NALF1: variants seen among roughly 807,000 people sequenced by gnomAD.
NALF1 encodes NALCN channel auxiliary factor 1.
Under a neutral mutation model 48.4 loss-of-function variants are expected in NALF1, and 3 were observed. That is an observed-to-expected ratio of 0.06 (90% CI 0.03 to 0.16). The LOEUF (loss-of-function observed/expected upper bound fraction) is 0.16. NALF1 is among the 10% of genes least tolerant of loss of function. The pLI, the probability that NALF1 is intolerant of heterozygous loss-of-function variation, is 1.00. For synonymous variants in NALF1, 262 were observed against 245.7 expected (o/e 1.07, Z -0.62); for missense variants, 526 against 571.5 (o/e 0.92, Z 0.81).
At chr13:107,741,643 T>A (rs1446840479) in intron 1 of NALF1, among the ~76,000 whole-genome samples, 1 of 152,198 alleles carries the variant, frequency 6.6e-6, no homozygotes, top group Non-Finnish European at 1.5e-5. Flanking sequence ...ATTGGTATAC[T>A]GTCTAGTTGG....
chr13:107,386,745 C>A (rs2138979112), intron 1 of NALF1, among the ~76,000 whole-genome samples: 1 of 152,268 alleles, frequency 6.6e-6, no homozygotes, highest in African/African-American at 2.4e-5. Flanking sequence ...CTTAAGTTAT[C>A]TGAGCTATTT....
At chr13:107,170,896 G>A in intron 2 of NALF1, 110 bp from the exon 3 acceptor site, 1 of 975,072 alleles carries the variant, frequency 1.0e-6, no homozygotes, top group South Asian at 1.6e-5. Context: ...CAGGCAATTA[G>A]ACATTTATTT....
chr13:107,832,473 T>G (rs1242077507), intron 1 of NALF1, among the ~76,000 whole-genome samples: 5 of 152,148 alleles, frequency 3.3e-5, no homozygotes, highest in Non-Finnish European at 7.4e-5. Context: ...TAATGAAGAT[T>G]TGCTAACCCC....
chr13:107,339,282 TTTA>T (rs1882624754), intron 1 of NALF1, among the ~76,000 whole-genome samples: 1 of 152,158 alleles, frequency 6.6e-6, no homozygotes, highest in South Asian at 2.1e-4. Flanking sequence ...ATGTGTTGGG[TTTA>T]TTTTTAAATG....
At chr13:107,432,143 G>C (rs887698227) in intron 1 of NALF1, among the ~76,000 whole-genome samples, 2 of 152,066 alleles carry the variant, frequency 1.3e-5, no homozygotes, top group South Asian at 4.1e-4. Flanking sequence ...GAAGGTGAAG[G>C]GGGAGCAGGC....
chr13:107,249,465 GT>G (rs1004370620), intron 1 of NALF1, among the ~76,000 whole-genome samples: 1 of 152,088 alleles, frequency 6.6e-6, no homozygotes, highest in Non-Finnish European at 1.5e-5. Context: ...ACGAAGTGAT[GT>G]TTTTATTCTA....
At chr13:107,509,495 T>C (rs1169861467) in intron 1 of NALF1, among the ~76,000 whole-genome samples, 1 of 152,224 alleles carries the variant, frequency 6.6e-6, no homozygotes, top group African/African-American at 2.4e-5. Flanking sequence ...TCTTTGAATA[T>C]TCAGTCTTCA....
intron 1 of NALF1, among the ~76,000 whole-genome samples, chr13:107,493,038 T>C (rs1008677983): frequency 8.5e-5 from 13 of 152,174 alleles, no homozygotes; most frequent in Admixed American, 4.6e-4. Context: ...TTATCATCTT[T>C]AGAATTGTTG....
intron 1 of NALF1, among the ~76,000 whole-genome samples, chr13:107,743,406 G>C (rs963821240): frequency 2.6e-5 from 4 of 152,140 alleles, no homozygotes; most frequent in South Asian, 2.1e-4. Context: ...TATTGCTCCA[G>C]CATAATGTTA....
intron 2 of NALF1, among the ~76,000 whole-genome samples, chr13:107,197,936 G>C (rs988547641): frequency 6.6e-6 from 1 of 152,132 alleles, no homozygotes; most frequent in African/African-American, 2.4e-5. Context: ...AAGCTGTCCA[G>C]AAATTAAATA....
intron 1 of NALF1, among the ~76,000 whole-genome samples, chr13:107,446,544 TTA>T (rs1884654566): frequency 6.6e-6 from 1 of 152,220 alleles, no homozygotes; most frequent in South Asian, 2.1e-4. Context: ...TTCCACATTA[TTA>T]TATTTCATGG....
intron 1 of NALF1, among the ~76,000 whole-genome samples, chr13:107,590,353 G>T (rs945333973): frequency 1.6e-4 from 25 of 152,008 alleles, no homozygotes; most frequent in African/African-American, 5.8e-4. Context: ...TGCAATTTAC[G>T]ACCTTCAGGA....
intron 1 of NALF1, among the ~76,000 whole-genome samples, chr13:107,668,354 A>G (rs1207580726): frequency 6.6e-6 from 1 of 151,970 alleles, no homozygotes; most frequent in Non-Finnish European, 1.5e-5. Flanking sequence ...ATGAGGCCCC[A>G]AACTCAGGTA....
At chr13:107,776,240 G>C (rs1877726521) in intron 1 of NALF1, among the ~76,000 whole-genome samples, 1 of 152,150 alleles carries the variant, frequency 6.6e-6, no homozygotes, top group Admixed American at 6.5e-5. Context: ...AGTCAGACAG[G>C]CTAGGTTCTA....
chr13:107,862,508 A>G (rs1880600553), intron 1 of NALF1, among the ~76,000 whole-genome samples: 1 of 152,082 alleles, frequency 6.6e-6, no homozygotes, highest in Non-Finnish European at 1.5e-5. Context: ...AATTTATGTA[A>G]TGTAGCAAAA....
chr13:107,199,360 G>T (rs1347913137), intron 2 of NALF1, among the ~76,000 whole-genome samples: 2 of 152,278 alleles, frequency 1.3e-5, no homozygotes, highest in Admixed American at 6.5e-5. Flanking sequence ...CATTTTTGTT[G>T]CTGAAGCCCT....
intron 1 of NALF1, among the ~76,000 whole-genome samples, chr13:107,610,401 G>T (rs186782875): frequency 1.2e-4 from 18 of 152,156 alleles, no homozygotes; most frequent in African/African-American, 4.3e-4. Flanking sequence ...ACACTTAAAA[G>T]AAATATTGTA....
intron 1 of NALF1, among the ~76,000 whole-genome samples, chr13:107,741,812 C>A (rs1181073363): frequency 6.6e-6 from 1 of 152,016 alleles, no homozygotes; most frequent in Admixed American, 6.6e-5. Flanking sequence ...CCAAAAGTAA[C>A]CCAAGACCTG....
chr13:107,495,107 A>G (rs1387594166), intron 1 of NALF1, among the ~76,000 whole-genome samples: 1 of 152,232 alleles, frequency 6.6e-6, no homozygotes, highest in Admixed American at 6.5e-5. Flanking sequence ...AAACTAAGTT[A>G]AGTCACATTT....
Sources: allele counts gnomAD v4.1 joint callset (sites outside exome capture counted in the v4.1 genomes callset), GRCh38; gene constraint gnomAD v4.1.1; transcripts MANE v1.5; gene names NCBI Gene and HGNC (gene_info 2026-07-23, HGNC 2026-07-21).